TRIOBP: variants seen among roughly 807,000 people sequenced by gnomAD.
TRIOBP encodes TRIO and F-actin binding protein.
Under a neutral mutation model 238.8 loss-of-function variants are expected in TRIOBP, and 169 were observed. That is an observed-to-expected ratio of 0.71 (90% CI 0.62 to 0.80). The LOEUF is 0.80. Ranked by LOEUF, TRIOBP falls within the 30% of genes least tolerant of loss-of-function variation. TRIOBP has a pLI of 0.00. For synonymous variants in TRIOBP, 1,150 were observed against 1,274.4 expected, an observed-to-expected ratio of 0.90 and a Z score of 2.08; for missense variants, 2,838 against 3,122.6, an observed-to-expected ratio of 0.91 and a Z score of 2.17.
Position 37,751,777 on chromosome 22 carries a change from T to A in TRIOBP, c.5328T>A (p.Asp1776Glu). 6.2e-7 allele frequency: 1 copy of A among 1,614,092 alleles called. No individual in the cohort carries two copies. Among genetic ancestry groups the A allele is most frequent in the Non-Finnish European group, 8.5e-7 (1 of 1,179,994 alleles). Residue 1776 changes from aspartate (D) to glutamate (E), a missense_variant, in exon 12 of 24, where the codon GAT (aspartate) becomes GAA (glutamate). By Grantham distance (45) the Asp-to-Glu change is conservative (BLOSUM62 2). Coordinates refer to ENST00000644935, the MANE Select transcript of TRIOBP (RefSeq NM_001039141.3). ...CCCTCCTCATCTCCCCACAGCCCGA[T>A]CTGCTCAACTTCAAGAAGGGATGGA... ...SLGVLRWRRP[D>E]LLNFKKGWMS...
chr22:37,766,133 A>T (rs1926484612), intron 18 of TRIOBP, among the ~76,000 whole-genome samples: 1 of 152,068 alleles, frequency 6.6e-6, no homozygotes, highest in Admixed American at 6.5e-5. Flanking sequence ...TGCGTGGGGG[A>T]GAGGCTGATC....
intron 7 of TRIOBP, among the ~76,000 whole-genome samples, chr22:37,730,253 C>T (rs1924359055): frequency 1.3e-5 from 2 of 152,252 alleles, no homozygotes; most frequent in South Asian, 2.1e-4. Context: ...CATCAACCCT[C>T]GGGAACAGGT....
At chr22:37,759,084 G>A in intron 16 of TRIOBP, 70 bp from the exon 17 acceptor site, 1 of 1,290,120 alleles carries the variant, frequency 7.8e-7, no homozygotes, top group Non-Finnish European at 1.1e-6. Context: ...GAAGCCTGCG[G>A]GCTCCTCACT....
intron 17 of TRIOBP, among the ~76,000 whole-genome samples, chr22:37,760,970 CAA>C (rs1011701001): frequency 2.3e-4 from 25 of 108,258 alleles, no homozygotes; most frequent in East Asian, 2.5e-4. Flanking sequence ...GACTCCATCT[CAA>C]AAAAAAAAAA....
chr22:37,735,486 C>T, intron 9 of TRIOBP, 44 bp downstream of exon 9: 1 of 1,539,290 alleles, frequency 6.5e-7, no homozygotes, highest in East Asian at 2.4e-5. Context: ...GAAAGTCAGC[C>T]CCACTCAGCC....
At chr22:37,735,525 A>G in intron 9 of TRIOBP, 83 bp downstream of exon 9, 1 of 1,482,884 alleles carries the variant, frequency 6.7e-7, no homozygotes, top group Non-Finnish European at 9.1e-7. Context: ...CTCCCCTTGG[A>G]GTAGCCTAAG....
At position 37,737,879 on chromosome 22, in the gene TRIOBP, A is replaced by G. The variant is rs894566686; in HGVS notation, c.5107-763A>G. On this transcript the variant is annotated intron_variant, in intron 9 of 23. Transcript: ENST00000644935. ...CCTGAGAAGCCTTCCCTGAACAGTC[A>G]CTCCTAGTAATGGTCCCCTTCTGGG... 3.3e-5 allele frequency among the ~76,000 whole-genome samples: 5 copies of G among 152,106 alleles called. 1 individual carries two copies. The highest frequency in any genetic ancestry group is 3.3e-4 in the Admixed American group (5 of 15,270).
intron 14 of TRIOBP, 147 bp downstream of exon 14, chr22:37,755,337 T>A: frequency 1.0e-6 from 1 of 953,364 alleles, no homozygotes; most frequent in Non-Finnish European, 1.6e-6. Flanking sequence ...GCCAGAGCTG[T>A]GATGCCAACA....
chr22:37,770,075 G>A (rs111458302), intron 21 of TRIOBP, among the ~76,000 whole-genome samples: 5,705 of 141,390 alleles, frequency 0.04, 153 homozygotes, highest in African/African-American at 0.077. Flanking sequence ...ACAGAGTTTT[G>A]CTGTTGTTGC....
rs112728182 is a variant in TRIOBP, at chr22:37,723,207, C to T, written c.651C>T (p.Ser217=). Residue 217 remains serine (S), a synonymous_variant, in exon 7 of 24, where the codon AGC becomes AGT. Transcript: ENST00000644935. ...KKEDTGGGGR[S]AGQHWARLRG... ...CAGACACCGGCGGTGGGGGCCGGAG[C>T]GCAGGACAGCACTGGGCAAGGCTCC... 1.3e-3 allele frequency: 2,109 copies of T among 1,613,784 alleles called. 32 individuals carry two copies. In the African/African-American group the frequency reaches 0.024, roughly 18 times the overall value.
chr22:37,726,436 A>G lies in TRIOBP; in HGVS notation c.3880A>G (p.Ser1294Gly). The change falls in exon 7 of 24, where the codon AGC becomes GGC. Residue 1294 changes from serine (S) to glycine (G), a missense_variant. Around this residue, in one of 5 missense-constraint regions of TRIOBP, gnomAD observed 2,096 missense variants for 2,137.4 expected, o/e 0.98. Transcript: ENST00000644935. ...ACAGCCAGGGCCCCAGGCGCAGTGCAGCAGCGGGGGCCGCACCCACAGCCC... is the reference window on the plus strand; with the variant it reads ...ACAGCCAGGGCCCCAGGCGCAGTGCGGCAGCGGGGGCCGCACCCACAGCCC... ...QRQPGPQAQC[S>G]SGGRTHSPGR... 6.3e-7 allele frequency: 1 copy of G among 1,585,600 alleles called. No homozygotes were observed. Among genetic ancestry groups the G allele is most frequent in the Admixed American group, 1.8e-5 (1 of 55,782 alleles).
intron 11 of TRIOBP, among the ~76,000 whole-genome samples, chr22:37,746,060 T>TCCCGCCGTCCCGCCGTCCCGCCGC (rs1555898797): frequency 1.6e-4 from 21 of 128,826 alleles, no homozygotes; most frequent in South Asian, 5.0e-4. Context: ...CGTCCCGCCG[T>TCCCGCCGTCCCGCCGTCCCGCCGC]CCCGCCGCCC....
chr22:37,764,344 C>T (rs1461468373), intron 17 of TRIOBP, among the ~76,000 whole-genome samples: 1 of 152,164 alleles, frequency 6.6e-6, no homozygotes, highest in Admixed American at 6.5e-5. Context: ...CGTTTGTTCC[C>T]GTGAGTGAGA....
intron 6 of TRIOBP, among the ~76,000 whole-genome samples, chr22:37,718,264 C>T (rs531219620): frequency 1.3e-5 from 2 of 152,336 alleles, no homozygotes; most frequent in South Asian, 2.1e-4. Flanking sequence ...GCTCCGGCCT[C>T]GGCCAGCCCA....
intron 6 of TRIOBP, among the ~76,000 whole-genome samples, chr22:37,721,369 C>T (rs1169905234): frequency 6.6e-6 from 1 of 152,208 alleles, no homozygotes; most frequent in Non-Finnish European, 1.5e-5. Context: ...TTCACCAACA[C>T]CAGCCCAGAG....
chr22:37,745,100 A>G (rs367656518), intron 11 of TRIOBP, among the ~76,000 whole-genome samples: 3 of 152,154 alleles, frequency 2.0e-5, no homozygotes, highest in Admixed American at 1.3e-4. Context: ...CCTGATCTCA[A>G]TGATCCACCC....
Position 37,734,378 on chromosome 22 carries a change from A to C in TRIOBP, c.4063-21A>C, listed in dbSNP as rs13054052. The C allele has an allele frequency of 0.59, 954,688 of 1,607,906 alleles. 286,741 individuals carry two copies. The highest frequency in any genetic ancestry group is 0.64 in the East Asian group (28,499 of 44,772). On this transcript the variant is annotated intron_variant, in intron 8 of 23. Transcript: ENST00000644935. The stretch of plus-strand genomic sequence containing the variant: ...GGTCCCCAGAGAGAGAGCCTCACCT[A>C]CCCCCTCACCTCATCCCCAGGTGAC...
At chr22:37,748,694 G>C (rs535766514) in intron 11 of TRIOBP, among the ~76,000 whole-genome samples, 1 of 152,204 alleles carries the variant, frequency 6.6e-6, no homozygotes, top group Non-Finnish European at 1.5e-5. Flanking sequence ...GCCTGTGAAG[G>C]ATAAGTAAAG....
At chr22:37,749,507 C>G (rs1033060190) in intron 11 of TRIOBP, among the ~76,000 whole-genome samples, 2 of 152,026 alleles carry the variant, frequency 1.3e-5, no homozygotes, top group African/African-American at 4.8e-5. Flanking sequence ...GCCAGTACTC[C>G]CGAAAGGCGG....
Sources: gnomAD v4.1 joint callset for allele counts (sites outside exome capture counted in the v4.1 genomes callset) on GRCh38, gnomAD v4.1.1 for gene constraint, gnomAD v4.1.1 regional missense constraint, MANE v1.5 for transcripts, NCBI Gene and HGNC (gene_info 2026-07-23, HGNC 2026-07-21) for gene names.